The following AUTS2 variants were observed in gnomAD, a reference collection of about 807,000 sequenced individuals.
AUTS2 encodes activator of transcription and developmental regulator AUTS2.
In AUTS2, 17 loss-of-function variants were observed where a neutral mutation model predicts 112.4. The observed-to-expected ratio is 0.15, with a 90% CI of 0.10 to 0.23. The LOEUF (loss-of-function observed/expected upper bound fraction) is 0.23, where lower values mean the gene tolerates loss of function less well. Among genes scored for constraint, AUTS2 ranks in the 10% least tolerant of loss-of-function variants. The pLI is 1.00. For missense variants in AUTS2, 1,510 were observed against 1,701.6 expected (o/e 0.89, Z 1.98); for synonymous variants, 751 against 702.7 (o/e 1.07, Z -1.09).
intron 4 of AUTS2, among the ~76,000 whole-genome samples, chr7:70,425,029 G>T (rs1302853297): frequency 6.6e-6 from 1 of 152,186 alleles, no homozygotes; most frequent in African/African-American, 2.4e-5. Flanking sequence ...AGAGCTCAGG[G>T]CTGCCCTGCC....
chr7:70,117,124 T>C (rs577378026), intron 2 of AUTS2, among the ~76,000 whole-genome samples: 66 of 128,088 alleles, frequency 5.2e-4, no homozygotes, highest in Non-Finnish European at 9.9e-4. Flanking sequence ...TTTGTTTTTT[T>C]TTGTTTTTTT....
At chr7:69,678,501 G>T (rs73436174) in intron 1 of AUTS2, among the ~76,000 whole-genome samples, 2 of 151,962 alleles carry the variant, frequency 1.3e-5, no homozygotes, top group African/African-American at 4.8e-5. Flanking sequence ...TGTTGTGAGC[G>T]GAACAAAAAT....
At chr7:69,845,329 C>T (rs1053543279) in intron 1 of AUTS2, among the ~76,000 whole-genome samples, 11 of 152,124 alleles carry the variant, frequency 7.2e-5, no homozygotes, top group African/African-American at 2.2e-4. Flanking sequence ...ATTACCACTC[C>T]GTTATCCCTG....
chr7:70,049,469 A>G (rs1801651210), intron 2 of AUTS2, among the ~76,000 whole-genome samples: 1 of 151,752 alleles, frequency 6.6e-6, no homozygotes, highest in Non-Finnish European at 1.5e-5. Flanking sequence ...AGCTGAGATT[A>G]CAGGTACCTG....
At chr7:70,462,849 C>A (rs565102662) in intron 5 of AUTS2, among the ~76,000 whole-genome samples, 6 of 151,928 alleles carry the variant, frequency 3.9e-5, no homozygotes, top group African/African-American at 1.4e-4. Context: ...CACAGCTACT[C>A]GGGAGGCTGA....
chr7:69,780,471 G>C (rs1230259688), intron 1 of AUTS2, among the ~76,000 whole-genome samples: 1 of 152,200 alleles, frequency 6.6e-6, no homozygotes. Flanking sequence ...CCATCCACAG[G>C]TCCTGGGAAG....
chr7:69,842,823 A>G (rs1252918323), intron 1 of AUTS2, among the ~76,000 whole-genome samples: 1 of 152,178 alleles, frequency 6.6e-6, no homozygotes, highest in African/African-American at 2.4e-5. Context: ...CAGTGGTAGC[A>G]TCACCAAAAA....
intron 1 of AUTS2, among the ~76,000 whole-genome samples, chr7:69,645,962 T>A (rs1484855400): frequency 6.6e-6 from 1 of 150,600 alleles, no homozygotes; most frequent in East Asian, 1.9e-4. Flanking sequence ...GCTGAAACGG[T>A]CTGGATTTTT....
rs1799172797 is a variant in AUTS2 at position 70,511,276 on chromosome 7, C to A, written c.690+75495C>A. On this transcript the variant is annotated intron_variant, in intron 5 of 18. Coordinates refer to ENST00000342771, the MANE Select transcript of AUTS2 (RefSeq NM_015570.4). The stretch of plus-strand genomic sequence containing the variant: ...GCAGAGCAAAGGAAGAAAAGAAAAA[C>A]CAAACATCAGATTTCCAGACGAAAT... 1.3e-5 allele frequency among the ~76,000 whole-genome samples: 2 copies of A among 152,090 alleles called. 1 individual carries two copies. Among genetic ancestry groups the A allele is most frequent in the Non-Finnish European group, 2.9e-5 (2 of 68,016 alleles).
chr7:70,021,574 A>G (rs1437503598), intron 2 of AUTS2, among the ~76,000 whole-genome samples: 1 of 152,158 alleles, frequency 6.6e-6, no homozygotes, highest in Non-Finnish European at 1.5e-5. Context: ...CACACCCTTC[A>G]CATGTTCACT....
At chr7:70,090,337 T>A (rs1803847564) in intron 2 of AUTS2, among the ~76,000 whole-genome samples, 1 of 152,050 alleles carries the variant, frequency 6.6e-6, no homozygotes. Flanking sequence ...ATTAGTTAAT[T>A]GTTCTTTGAA....
intron 2 of AUTS2, among the ~76,000 whole-genome samples, chr7:70,108,407 A>G (rs572027086): frequency 6.6e-6 from 1 of 152,290 alleles, no homozygotes; most frequent in East Asian, 1.9e-4. Flanking sequence ...AAAACTTGTT[A>G]ATATGGCAAT....
chr7:70,687,544 A>T (rs980191910), intron 5 of AUTS2, among the ~76,000 whole-genome samples: 2 of 152,116 alleles, frequency 1.3e-5, no homozygotes, highest in Admixed American at 6.5e-5. Context: ...CCTTTCCTTG[A>T]CTTCTACACT....
chr7:69,876,302 G>A (rs1468958352), intron 1 of AUTS2, among the ~76,000 whole-genome samples: 22 of 112,416 alleles, frequency 2.0e-4, no homozygotes, highest in Non-Finnish European at 5.0e-5. Context: ...CTCCAGCCTG[G>A]GTGATGGAGC....
At chr7:70,716,662 A>AAAAAAC in intron 6 of AUTS2, among the ~76,000 whole-genome samples, 1 of 144,430 alleles carries the variant, frequency 6.9e-6, no homozygotes, top group Non-Finnish European at 1.5e-5. Flanking sequence ...AAAAAAAAAA[A>AAAAAAC]AAAGGGAAGT....
intron 2 of AUTS2, among the ~76,000 whole-genome samples, chr7:69,935,662 G>T (rs1268686936): frequency 6.6e-6 from 1 of 151,796 alleles, no homozygotes; most frequent in Middle Eastern, 3.4e-3. Flanking sequence ...GTATTTATAG[G>T]GAAACAGGGA....
intron 4 of AUTS2, among the ~76,000 whole-genome samples, chr7:70,171,161 A>G (rs1336125736): frequency 6.6e-6 from 1 of 152,220 alleles, no homozygotes. Flanking sequence ...GCCTATTTCA[A>G]AATTGAAAAT....
chr7:70,268,264 T>C (rs1417952075), intron 4 of AUTS2, among the ~76,000 whole-genome samples: 1 of 152,206 alleles, frequency 6.6e-6, no homozygotes, highest in African/African-American at 2.4e-5. Flanking sequence ...GATAGTAAAC[T>C]GTGTGCCTTT....
chr7:70,612,604 G>A (rs1191102693), intron 5 of AUTS2, among the ~76,000 whole-genome samples: 3 of 152,024 alleles, frequency 2.0e-5, no homozygotes. Flanking sequence ...GTGGCACAGG[G>A]CTGGAACCCA....
Sources: allele counts gnomAD v4.1 joint callset (sites outside exome capture counted in the v4.1 genomes callset), GRCh38; gene constraint gnomAD v4.1.1; transcripts MANE v1.5; gene names NCBI Gene and HGNC (gene_info 2026-07-23, HGNC 2026-07-21).